POLN: variants seen among roughly 807,000 people sequenced by gnomAD.
POLN encodes DNA polymerase N.
A neutral mutation model predicts 113.5 loss-of-function variants in POLN; 108 were observed. The observed-to-expected ratio is 0.95, with a 90% confidence interval of 0.81 to 1.12. The LOEUF (loss-of-function observed/expected upper bound fraction) is 1.12. Among genes scored for constraint, POLN ranks in the 50% most tolerant of loss-of-function variants. POLN has a pLI of 0.00. For missense variants in POLN, 1,097 were observed against 1,077.1 expected (o/e 1.02, Z -0.26); for synonymous variants, 386 against 391.5 (o/e 0.99, Z 0.17).
At chr4:2,079,329 C>G in intron 23 of POLN, 1 of 765,106 alleles carries the variant, frequency 1.3e-6, no homozygotes, top group Non-Finnish European at 1.6e-6. Flanking sequence ...CTGCTCATAT[C>G]CTGGGAGAAG....
chr4:2,178,765 C>G (rs1014761365), intron 8 of POLN, among the ~76,000 whole-genome samples: 1 of 152,166 alleles, frequency 6.6e-6, no homozygotes, highest in Non-Finnish European at 1.5e-5. Context: ...GCACCTGCCA[C>G]CATGATTGGC....
At chr4:2,140,226 C>T (rs1036241745) in intron 16 of POLN, among the ~76,000 whole-genome samples, 6 of 152,004 alleles carry the variant, frequency 3.9e-5, no homozygotes, top group East Asian at 1.9e-4. Flanking sequence ...TACAGGCGTG[C>T]GCCACCACAC....
chr4:2,215,739 C>T (rs1023839520), intron 3 of POLN, among the ~76,000 whole-genome samples: 21 of 152,196 alleles, frequency 1.4e-4, no homozygotes, highest in Admixed American at 1.3e-3. Flanking sequence ...GCTTCAGGGA[C>T]GTTCTGGGAG....
chr4:2,153,515 G>A (rs968234295), intron 16 of POLN, among the ~76,000 whole-genome samples: 1 of 152,082 alleles, frequency 6.6e-6, no homozygotes, highest in African/African-American at 2.4e-5. Context: ...GGAGTTTTGA[G>A]TGACTTTTTA....
At chr4:2,226,006 G>A (rs1026971145) in intron 3 of POLN, among the ~76,000 whole-genome samples, 4 of 151,924 alleles carry the variant, frequency 2.6e-5, no homozygotes, top group African/African-American at 9.7e-5. Flanking sequence ...AAAAAAGTAA[G>A]TTTATCTCTC....
intron 2 of POLN, chr4:2,232,291 C>A (rs1232801282): frequency 4.1e-6 from 2 of 492,364 alleles, no homozygotes; most frequent in Non-Finnish European, 7.1e-6. Flanking sequence ...AATAAATAAA[C>A]CTCGATTTAA....
intron 16 of POLN, among the ~76,000 whole-genome samples, chr4:2,135,838 G>A (rs984287200): frequency 2.0e-5 from 3 of 152,212 alleles, no homozygotes; most frequent in Admixed American, 6.5e-5. Flanking sequence ...CCAACACCAC[G>A]TGCTAGCACG....
intron 13 of POLN, among the ~76,000 whole-genome samples, chr4:2,162,994 C>T (rs1015896182): frequency 2.1e-5 from 2 of 94,704 alleles, no homozygotes; most frequent in Non-Finnish European, 3.9e-5. Context: ...AGTATTTCCA[C>T]AGAAATCTGA....
intron 5 of POLN, among the ~76,000 whole-genome samples, chr4:2,200,210 C>T (rs1256768450): frequency 5.9e-5 from 9 of 151,910 alleles, no homozygotes; most frequent in East Asian, 1.9e-4. Context: ...AGCACAATAC[C>T]CAAAAGAATC....
intron 13 of POLN, among the ~76,000 whole-genome samples, chr4:2,166,521 G>T (rs1732732018): frequency 6.6e-6 from 1 of 152,184 alleles, no homozygotes; most frequent in African/African-American, 2.4e-5. Context: ...TTATTTCCGG[G>T]TGTGTCTGTG....
intron 3 of POLN, among the ~76,000 whole-genome samples, chr4:2,224,716 C>T (rs982579919): frequency 1.3e-5 from 2 of 152,032 alleles, no homozygotes; most frequent in Admixed American, 6.5e-5. Context: ...TTTGGGAGGC[C>T]GAGGTGGGAG....
At chr4:2,229,303 G>A in intron 2 of POLN, 60 bp from the exon 3 acceptor site, 2 of 1,316,918 alleles carry the variant, frequency 1.5e-6, no homozygotes, top group Non-Finnish European at 2.0e-6. Flanking sequence ...TATAAAACAG[G>A]AAATACAATT....
chr4:2,094,086 C>T (rs914435708), intron 20 of POLN, among the ~76,000 whole-genome samples: 1 of 152,118 alleles, frequency 6.6e-6, no homozygotes, highest in Non-Finnish European at 1.5e-5. Context: ...GTGGCTCATG[C>T]CTGTAATCCC....
At chr4:2,115,856 C>T (rs1172923126) in intron 19 of POLN, among the ~76,000 whole-genome samples, 2 of 152,150 alleles carry the variant, frequency 1.3e-5, no homozygotes. Flanking sequence ...AGAATTTTCC[C>T]TTCTGTGGGG....
chr4:2,080,164 C>T (rs892264765), intron 23 of POLN: 3 of 986,106 alleles, frequency 3.0e-6, no homozygotes, highest in Admixed American at 1.2e-4. Context: ...CTGAGGGGAT[C>T]CCGCACAAGG....
chr4:2,159,513 C>T (rs1190926923), intron 13 of POLN, among the ~76,000 whole-genome samples: 2 of 152,094 alleles, frequency 1.3e-5, no homozygotes, highest in Admixed American at 6.6e-5. Context: ...TGCCTACAAA[C>T]GTATAGCTCG....
chr4:2,149,144 A>C (rs1732227084), intron 16 of POLN, among the ~76,000 whole-genome samples: 1 of 151,924 alleles, frequency 6.6e-6, no homozygotes, highest in South Asian at 2.1e-4. Flanking sequence ...AAATACAAAA[A>C]TTAGCTGAGC....
Position 2,179,399 on chromosome 4 carries a change from G to A in POLN, c.1088C>T (p.Pro363Leu), listed in dbSNP as rs1733077822. Reference protein sequence around the residue: ...AWLIDPSDATPSFEDLVEKYC... With the variant: ...AWLIDPSDATLSFEDLVEKYC... Reference sequence around the variant, plus strand: ...TTTTTCTACTAAATCTTCAAAAGAGGGTGTGGCATCACTAGGATCTATAAG... The same window carrying A: ...TTTTTCTACTAAATCTTCAAAAGAGAGTGTGGCATCACTAGGATCTATAAG... Residue 363 changes from proline to leucine, a missense_variant, in exon 8 of 26, where the codon CCC (proline) becomes CTC (leucine). Pro to Leu is a moderately conservative substitution (Grantham distance 98). Coordinates refer to ENST00000511885, the MANE Select transcript of POLN (RefSeq NM_181808.4). 1 of 1,613,196 alleles carries A rather than the reference G, an allele frequency of 6.2e-7. No individual in the cohort carries two copies. The highest frequency in any genetic ancestry group is 8.5e-7 in the Non-Finnish European group (1 of 1,179,236).
In POLN at chr4:2,167,507, T is replaced by G. The variant is rs569593077; in HGVS notation, c.1554+3172A>C. Among the ~76,000 whole-genome samples the G allele has an allele frequency of 2.0e-5, 3 of 152,298 alleles. No homozygotes were observed. The East Asian group carries it at 5.8e-4, about 29-fold the overall frequency. ...TACACTGCACAGGTACAAGGGGACATGTGTTCTTCAGCCCACGAGGAGCAT... is the reference window on the plus strand; with the variant it reads ...TACACTGCACAGGTACAAGGGGACAGGTGTTCTTCAGCCCACGAGGAGCAT... On this transcript the variant is annotated intron_variant, in intron 13 of 25. Transcript: ENST00000511885.
Sources: allele counts gnomAD v4.1 joint callset (sites outside exome capture counted in the v4.1 genomes callset), GRCh38; gene constraint gnomAD v4.1.1; transcripts MANE v1.5; gene names NCBI Gene and HGNC (gene_info 2026-07-23, HGNC 2026-07-21).